Variants in CALN1 observed in about 807,000 individuals in gnomAD.
CALN1 encodes the protein calcium-binding protein 8.
CALN1 carries 17 observed loss-of-function variants against 30.6 expected under a neutral mutation model. That is an observed-to-expected ratio of 0.56 (90% CI 0.38 to 0.83). CALN1 has a LOEUF of 0.83. Ranked by LOEUF, CALN1 falls within the 40% of genes least tolerant of loss-of-function variation. The pLI is 0.00. For synonymous variants in CALN1, 156 were observed against 131.4 expected (o/e 1.19, Z -1.28); for missense variants, 291 against 354.9 (o/e 0.82, Z 1.45).
At chr7:72,092,917 T>C (rs1377889656) in intron 4 of CALN1, among the ~76,000 whole-genome samples, 1 of 152,076 alleles carries the variant, frequency 6.6e-6, no homozygotes, top group East Asian at 1.9e-4. Flanking sequence ...AACTCTTGAG[T>C]GAGGATGTCA....
chr7:72,458,254 T>C, the CALN1 span, among the ~76,000 whole-genome samples: 12,773 of 74,174 alleles, frequency 0.17, 2,083 homozygotes, highest in Non-Finnish European at 0.21. Context: ...ATAATATATT[T>C]TATAATATAT....
intron 5 of CALN1, among the ~76,000 whole-genome samples, chr7:71,877,436 T>C: frequency 6.6e-6 from 1 of 151,884 alleles, no homozygotes; most frequent in East Asian, 1.9e-4. Flanking sequence ...CTGCAAAAAA[T>C]TACAAACCAC....
At chr7:72,154,202 CT>C (rs1234953197) in intron 3 of CALN1, among the ~76,000 whole-genome samples, 1 of 150,874 alleles carries the variant, frequency 6.6e-6, no homozygotes, top group Admixed American at 6.6e-5. Flanking sequence ...CAAACTGCTT[CT>C]TTTAACTAAG....
At chr7:72,177,804 G>A (rs1488700442) in intron 3 of CALN1, among the ~76,000 whole-genome samples, 2 of 150,730 alleles carry the variant, frequency 1.3e-5, no homozygotes, top group Admixed American at 1.3e-4. Context: ...CTTCTGAAGA[G>A]TCATTCCACA....
At chr7:72,007,286 T>G (rs1799823986) in intron 5 of CALN1, among the ~76,000 whole-genome samples, 1 of 152,204 alleles carries the variant, frequency 6.6e-6, no homozygotes, top group South Asian at 2.1e-4. Flanking sequence ...TGGCTTGCGC[T>G]TGCAATCCCA....
chr7:72,112,161 G>C (rs1807625821), intron 3 of CALN1, among the ~76,000 whole-genome samples: 1 of 152,150 alleles, frequency 6.6e-6, no homozygotes, highest in Non-Finnish European at 1.5e-5. Flanking sequence ...AGGAACAACA[G>C]CAAAAGCACA....
intron 3 of CALN1, among the ~76,000 whole-genome samples, chr7:72,242,506 G>C (rs1471609554): frequency 1.3e-5 from 2 of 152,084 alleles, no homozygotes; most frequent in Non-Finnish European, 2.9e-5. Flanking sequence ...GGAAATGTCA[G>C]GTTTTTACCT....
intron 5 of CALN1, among the ~76,000 whole-genome samples, chr7:71,859,806 G>A (rs1791167458): frequency 1.3e-5 from 2 of 152,142 alleles, no homozygotes; most frequent in African/African-American, 4.8e-5. Context: ...GTACCAGAGT[G>A]ACTCCATCTT....
chr7:71,914,669 T>TATA (rs1202174844), intron 5 of CALN1, among the ~76,000 whole-genome samples: 2 of 151,964 alleles, frequency 1.3e-5, no homozygotes, highest in African/African-American at 4.8e-5. Flanking sequence ...CCACCAAGAG[T>TATA]ATAAGTATCC....
chr7:72,303,512 G>A lies in CALN1; in HGVS notation c.120-24702C>T, dbSNP rs576155154. Among the ~76,000 whole-genome samples the A allele has an allele frequency of 6.0e-5, 9 of 150,964 alleles. No individual in the cohort carries two copies. In the South Asian group the frequency reaches 1.0e-3, roughly 18 times the overall value. On this transcript the variant is annotated intron_variant, in intron 2 of 6. Coordinates refer to ENST00000395275, the MANE Select transcript of CALN1 (RefSeq NM_031468.4). ...GCAGAGGCTGCGGTGAGCCAAGATC[G>A]CGCCATTGCACTCCAGCCTGGGCAA...
In CALN1 at chr7:72,316,066, G is replaced by A. The variant is rs1209770476; in HGVS notation, c.120-37256C>T. ...CTCAGGAAGCTGAGGCAGGAGAATC[G>A]CTTGAACCCAGGAGGTGGAGTTTGC... is the stretch of plus-strand genomic sequence containing the variant. On this transcript the variant is annotated intron_variant, in intron 2 of 6. Coordinates refer to ENST00000395275, the MANE Select transcript of CALN1 (RefSeq NM_031468.4). 2.6e-5 allele frequency among the ~76,000 whole-genome samples: 4 copies of A among 151,908 alleles called. 1 individual carries two copies. Among genetic ancestry groups the A allele is most frequent in the Non-Finnish European group, 5.9e-5 (4 of 67,976 alleles).
At chr7:72,462,422 C>A in the CALN1 span, among the ~76,000 whole-genome samples, 3 of 152,160 alleles carry the variant, frequency 2.0e-5, no homozygotes, top group African/African-American at 7.2e-5. Flanking sequence ...TGGGCTCCCA[C>A]AGTCTTCCCA....
At chr7:72,344,825 T>C (rs1461155270) in intron 2 of CALN1, among the ~76,000 whole-genome samples, 1 of 147,568 alleles carries the variant, frequency 6.8e-6, no homozygotes. Context: ...GGTTAAATAT[T>C]ATACATTAAA....
intron 2 of CALN1, among the ~76,000 whole-genome samples, chr7:72,316,163 G>GGA (rs1554366515): frequency 2.7e-5 from 4 of 150,382 alleles, no homozygotes; most frequent in Admixed American, 6.6e-5. Flanking sequence ...AAGAAAGAAA[G>GGA]AAAAAAAAGA....
intron 1 of CALN1, among the ~76,000 whole-genome samples, chr7:72,443,478 A>G (rs1409988464): frequency 1.3e-5 from 2 of 152,046 alleles, no homozygotes; most frequent in African/African-American, 4.8e-5. Flanking sequence ...TTCTTTTATC[A>G]CATTGCCTCC....
intron 2 of CALN1, among the ~76,000 whole-genome samples, chr7:72,311,019 T>C (rs1394643186): frequency 6.6e-6 from 1 of 152,090 alleles, no homozygotes; most frequent in Admixed American, 6.5e-5. Flanking sequence ...CATGGAATTT[T>C]TCCAGTTATG....
chr7:72,295,481 C>A (rs1294065472), intron 2 of CALN1, among the ~76,000 whole-genome samples: 1 of 151,758 alleles, frequency 6.6e-6, no homozygotes, highest in South Asian at 2.1e-4. Context: ...GATATTGATT[C>A]TTCCTACCCA....
At chr7:71,900,435 A>G (rs1584475417) in intron 5 of CALN1, among the ~76,000 whole-genome samples, 2 of 152,238 alleles carry the variant, frequency 1.3e-5, no homozygotes, top group East Asian at 1.9e-4. Flanking sequence ...AAAGACTCCT[A>G]GATTTGATAA....
intron 3 of CALN1, among the ~76,000 whole-genome samples, chr7:72,113,639 G>C (rs1198828993): frequency 1.3e-5 from 2 of 152,166 alleles, no homozygotes; most frequent in Admixed American, 6.5e-5. Flanking sequence ...AGTTTTATTG[G>C]AACACAACCA....
Sources: allele counts gnomAD v4.1 joint callset (sites outside exome capture counted in the v4.1 genomes callset), GRCh38; gene constraint gnomAD v4.1.1; transcripts MANE v1.5; gene names NCBI Gene and HGNC (gene_info 2026-07-23, HGNC 2026-07-21).